CSDC2: variants seen among roughly 807,000 people sequenced by gnomAD.
The protein encoded by CSDC2 is cold shock domain-containing protein C2.
Under a neutral mutation model 15.8 loss-of-function variants are expected in CSDC2, and 8 were observed. The observed-to-expected ratio is 0.51, with a 90% confidence interval of 0.30 to 0.92. The LOEUF (loss-of-function observed/expected upper bound fraction) is 0.92. CSDC2 is among the 40% of genes least tolerant of loss of function. The pLI, the probability that CSDC2 is intolerant of heterozygous loss-of-function variation, is 0.07. For missense variants in CSDC2, 195 were observed against 213.3 expected (o/e 0.91, Z 0.53); for synonymous variants, 96 against 92.3 (o/e 1.04, Z -0.23).
chr22:41,574,304 C>T (rs965167240), intron 3 of CSDC2, among the ~76,000 whole-genome samples: 4 of 152,136 alleles, frequency 2.6e-5, no homozygotes, highest in African/African-American at 9.7e-5. Context: ...CTCGCTCTGT[C>T]GCCCAGGCTG....
chr22:41,574,788 C>A lies in CSDC2; in HGVS notation c.355C>A (p.Pro119Thr). The A allele has an allele frequency of 6.2e-7, 1 of 1,613,846 alleles. No homozygotes were observed. Residue 119 changes from proline to threonine, a missense_variant, in exon 4 of 4, where the codon CCT becomes ACT. Transcript: ENST00000306149. The part of the protein sequence containing the change: ...EGDEVTYKMC[P>T]IPPKNQKFQA... ...CGACGAGGTGACCTACAAGATGTGC[C>A]CTATCCCTCCCAAGAACCAGAAGTT...
chr22:41,574,592 C>A, intron 3 of CSDC2, 141 bp from the exon 4 acceptor site: 7 of 929,648 alleles, frequency 7.5e-6, no homozygotes, highest in Non-Finnish European at 1.1e-5. Flanking sequence ...GATTCGAGAG[C>A]TGAGGTTCTG....
At chr22:41,571,787 T>G in intron 1 of CSDC2, 56 bp from the exon 2 acceptor site, 1 of 401,230 alleles carries the variant, frequency 2.5e-6, no homozygotes, top group Non-Finnish European at 4.4e-6. Context: ...GTGGCCAGGG[T>G]TCAGGAGCTG....
intron 1 of CSDC2, among the ~76,000 whole-genome samples, chr22:41,562,173 C>G (rs1007981159): frequency 7.9e-5 from 12 of 152,086 alleles, no homozygotes; most frequent in African/African-American, 2.9e-4. Flanking sequence ...TGGCATCATG[C>G]TGCCTGGCTG....
At chr22:41,563,060 A>G (rs537338905) in intron 1 of CSDC2, among the ~76,000 whole-genome samples, 1 of 152,264 alleles carries the variant, frequency 6.6e-6, no homozygotes, top group African/African-American at 2.4e-5. Context: ...ACAGAAGCCC[A>G]AAGGCCTTAA....
chr22:41,561,045 G>GACACACAGACACACACACACAC lies in CSDC2; in HGVS notation c.-255_-254insGACACACACACACACACACACA, dbSNP rs560868541. ...GGTACCGCCCGCGCGAGCACACACA[G>GACACACAGACACACACACACAC]ACACACACACACACACACACACACA... On this transcript the variant is annotated 5_prime_UTR_variant, in exon 1 of 4. Coordinates refer to ENST00000306149, the MANE Select transcript of CSDC2 (RefSeq NM_014460.4). 67 of 132,134 alleles carry GACACACAGACACACACACACAC rather than the reference G, an allele frequency of 5.1e-4. No individual in the cohort carries two copies. Among genetic ancestry groups the GACACACAGACACACACACACAC allele is most frequent in the African/African-American group, 1.8e-3 (64 of 35,300 alleles). 8.2% of individuals were successfully genotyped at this position (132,134 alleles called of 1,614,324 possible).
intron 1 of CSDC2, among the ~76,000 whole-genome samples, chr22:41,561,884 TAC>T (rs1258001844): frequency 2.0e-5 from 3 of 152,158 alleles, no homozygotes; most frequent in Non-Finnish European, 1.5e-5. Flanking sequence ...TATCTTGGGA[TAC>T]AGGGACTTAG....
rs17002502 is a variant in CSDC2 at position 41,573,827 on chromosome 22, A to G, written c.299+50A>G. 4.2e-3 allele frequency: 6,625 copies of G among 1,571,282 alleles called. 182 individuals carry two copies. The African/African-American group carries it at 0.063, about 15-fold the overall frequency. On this transcript the variant is annotated intron_variant, in intron 3 of 3. Coordinates refer to ENST00000306149, the MANE Select transcript of CSDC2 (RefSeq NM_014460.4). Reference sequence around the variant, plus strand: ...CTTGGCCCCTGCCCTAGTGTCCCCAATGGTGCCTCAAAAATGGCTCTCCAG... The same window carrying G: ...CTTGGCCCCTGCCCTAGTGTCCCCAGTGGTGCCTCAAAAATGGCTCTCCAG...
rs2067172454 is a variant in CSDC2 at position 41,575,811 on chromosome 22, C to T, written c.*916C>T. On this transcript the variant is annotated 3_prime_UTR_variant, in exon 4 of 4. Coordinates refer to ENST00000306149, the MANE Select transcript of CSDC2 (RefSeq NM_014460.4). ...AGGGCCCCCAGCCTGGGAGACTGGC[C>T]CTGCGGCCTCCACGTCAAACTCTCT... The T allele has an allele frequency of 6.6e-6, 1 of 152,266 alleles. No individual in the cohort carries two copies. The highest frequency in any genetic ancestry group is 1.5e-5 in the Non-Finnish European group (1 of 68,080). The allele number at this position is 152,266 out of a possible 1,614,324, so 9.4% of individuals were successfully genotyped here.
At chr22:41,563,528 T>TTGG (rs930543016) in intron 1 of CSDC2, among the ~76,000 whole-genome samples, 12 of 152,074 alleles carry the variant, frequency 7.9e-5, no homozygotes, top group African/African-American at 2.9e-4. Flanking sequence ...CTTAGCAGAG[T>TTGG]TGGTGAGTGA....
chr22:41,573,814 C>T, intron 3 of CSDC2, 37 bp downstream of exon 3: 1 of 1,594,438 alleles, frequency 6.3e-7, no homozygotes, highest in Non-Finnish European at 8.6e-7. Context: ...TGGCCCCTGC[C>T]CTAGTGTCCC....
chr22:41,565,902 G>T (rs1002325995), intron 1 of CSDC2, among the ~76,000 whole-genome samples: 17 of 152,350 alleles, frequency 1.1e-4, no homozygotes, highest in Non-Finnish European at 2.1e-4. Context: ...GGGACAGGGG[G>T]ATGCACACTC....
intron 3 of CSDC2, 147 bp from the exon 4 acceptor site, chr22:41,574,586 C>T (rs558510907): frequency 7.8e-5 from 69 of 889,242 alleles, no homozygotes; most frequent in African/African-American, 1.0e-4. Flanking sequence ...TTTACAGATT[C>T]GAGAGCTGAG....
At chr22:41,561,368 A>G (rs2067083893) in intron 1 of CSDC2, among the ~76,000 whole-genome samples, 185 bp downstream of exon 1, 1 of 152,104 alleles carries the variant, frequency 6.6e-6, no homozygotes, top group Non-Finnish European at 1.5e-5. Context: ...GTGACCCCCA[A>G]ATGAGGTGAG....
intron 1 of CSDC2, among the ~76,000 whole-genome samples, chr22:41,571,041 A>G (rs185655319): frequency 6.6e-6 from 1 of 152,006 alleles, no homozygotes; most frequent in Non-Finnish European, 1.5e-5. Context: ...ACAGAAAATA[A>G]GAGTCAGAAG....
chr22:41,566,143 T>TAAA (rs35579661), intron 1 of CSDC2, among the ~76,000 whole-genome samples: 1 of 103,308 alleles, frequency 9.7e-6, no homozygotes, highest in Non-Finnish European at 2.0e-5. Flanking sequence ...CATCTCTGAT[T>TAAA]AAAAAAAAAA....
At chr22:41,562,512 C>T (rs2067092428) in intron 1 of CSDC2, among the ~76,000 whole-genome samples, 2 of 151,796 alleles carry the variant, frequency 1.3e-5, no homozygotes, top group East Asian at 1.9e-4. Context: ...CTTGGAGAGA[C>T]ATGGCTAGGC....
intron 1 of CSDC2, among the ~76,000 whole-genome samples, chr22:41,568,427 G>A (rs1204901903): frequency 6.6e-6 from 1 of 152,080 alleles, no homozygotes; most frequent in Non-Finnish European, 1.5e-5. Flanking sequence ...GGGACTACAG[G>A]TGCGCCACCG....
intron 1 of CSDC2, among the ~76,000 whole-genome samples, chr22:41,562,228 T>C (rs1032648609): frequency 6.6e-6 from 1 of 152,022 alleles, no homozygotes; most frequent in Non-Finnish European, 1.5e-5. Context: ...TCTCCAGCTT[T>C]CTGGGGGATG....
Sources: gnomAD v4.1 joint callset for allele counts (sites outside exome capture counted in the v4.1 genomes callset) on GRCh38, gnomAD v4.1.1 for gene constraint, MANE v1.5 for transcripts, NCBI Gene and HGNC (gene_info 2026-07-23, HGNC 2026-07-21) for gene names.